The following NLGN4Y variants were observed in gnomAD, a reference collection of about 807,000 sequenced individuals.
The protein encoded by NLGN4Y is neuroligin-4, Y-linked.
A neutral mutation model predicts 8.4 loss-of-function variants in NLGN4Y; 4 were observed. That is an observed-to-expected ratio of 0.48 (90% CI 0.23 to 1.09). NLGN4Y has a LOEUF of 1.09. Among genes scored for constraint, NLGN4Y ranks in the 50% least tolerant of loss-of-function variants. The probability of loss-of-function intolerance (pLI) is 0.19; values close to 1 mark genes in which losing one functional copy is unlikely to be tolerated. For synonymous variants in NLGN4Y, 35 were observed against 75.6 expected (o/e 0.46, Z 2.78); for missense variants, 90 against 192.3 (o/e 0.47, Z 3.15).
intron 2 of NLGN4Y, among the ~76,000 whole-genome samples, chrY:14,665,589 G>A: frequency 3.0e-5 from 1 of 32,789 alleles, no homozygotes; most frequent in Admixed American, 2.9e-4. Flanking sequence ...AAGGACATGT[G>A]GTTGAAGGGG....
intron 1 of NLGN4Y, among the ~76,000 whole-genome samples, chrY:14,574,502 G>A (rs2080288866): frequency 3.0e-5 from 1 of 32,911 alleles, no homozygotes; most frequent in African/African-American, 1.2e-4. Context: ...CACATGAGCT[G>A]GGTTTCCTGA....
chrY:14,551,411 T>TC lies in NLGN4Y; in HGVS notation c.-112+26704dup, dbSNP rs2080192311. ...AAAACAAGGATATCAGGACTTGAAC[T>TC]CAACTCTGGATGAAGTGGACATAAT... On this transcript the variant is annotated intron_variant, in intron 1 of 6. Transcript: ENST00000684976. 3.3e-4 allele frequency among the ~76,000 whole-genome samples: 11 copies of TC among 33,264 alleles called. No homozygotes were observed. The East Asian group carries it at 8.7e-3, about 26-fold the overall frequency. 89.2% of individuals were successfully genotyped at this position (33,264 alleles called of 37,273 possible).
chrY:14,581,265 T>TC (rs2080319184), intron 1 of NLGN4Y, among the ~76,000 whole-genome samples: 7 of 33,413 alleles, frequency 2.1e-4, no homozygotes, highest in Admixed American at 1.1e-3. Context: ...CCTTTTTTTT[T>TC]TCTCTCTCTC....
intron 4 of NLGN4Y, among the ~76,000 whole-genome samples, chrY:14,766,824 C>T (rs2081094503): frequency 6.1e-5 from 2 of 33,040 alleles, no homozygotes; most frequent in South Asian, 1.3e-3. Context: ...GCTTTTATGC[C>T]TCTCATTTTA....
intron 4 of NLGN4Y, among the ~76,000 whole-genome samples, chrY:14,738,532 C>A (rs2080997365): frequency 3.1e-5 from 1 of 32,561 alleles, no homozygotes; most frequent in Non-Finnish European, 7.5e-5. Flanking sequence ...ACTTCTGCCT[C>A]ACTTTTCTAA....
chrY:14,662,349 C>G, intron 2 of NLGN4Y, among the ~76,000 whole-genome samples: 1 of 33,486 alleles, frequency 3.0e-5, no homozygotes, highest in Admixed American at 2.7e-4. Context: ...TATCTGTTAT[C>G]TATCTATCTA....
At chrY:14,544,200 A>C (rs747720378) in intron 1 of NLGN4Y, among the ~76,000 whole-genome samples, 6 of 33,751 alleles carry the variant, frequency 1.8e-4, no homozygotes, top group Non-Finnish European at 3.7e-4. Flanking sequence ...TTAAAGATTA[A>C]TAACAACAAC....
chrY:14,641,212 T>C, intron 2 of NLGN4Y, among the ~76,000 whole-genome samples: 2 of 33,464 alleles, frequency 6.0e-5, no homozygotes, highest in East Asian at 7.8e-4. Context: ...CCCATCTAAG[T>C]TGATATCTAA....
At chrY:14,606,836 CACATAT>C (rs2080448337) in intron 1 of NLGN4Y, among the ~76,000 whole-genome samples, 1 of 32,470 alleles carries the variant, frequency 3.1e-5, no homozygotes, top group Admixed American at 2.9e-4. Flanking sequence ...TATACACACA[CACATAT>C]ACATATACAT....
chrY:14,547,020 A>G (rs1052699318), intron 1 of NLGN4Y, among the ~76,000 whole-genome samples: 2 of 34,241 alleles, frequency 5.8e-5, no homozygotes. Context: ...CTTTTTCTGC[A>G]TCTATTGAGA....
chrY:14,651,512 T>C, intron 2 of NLGN4Y, among the ~76,000 whole-genome samples: 1 of 33,575 alleles, frequency 3.0e-5, no homozygotes, highest in Non-Finnish European at 7.4e-5. Flanking sequence ...TTTTTTTACA[T>C]TGATGAAATG....
chrY:14,684,652 C>A, intron 2 of NLGN4Y, among the ~76,000 whole-genome samples: 2 of 32,908 alleles, frequency 6.1e-5, no homozygotes, highest in Non-Finnish European at 1.5e-4. Flanking sequence ...AGGCATCCAC[C>A]TCTGTGACCC....
intron 1 of NLGN4Y, among the ~76,000 whole-genome samples, chrY:14,608,761 C>A: frequency 3.1e-5 from 1 of 32,154 alleles, no homozygotes; most frequent in African/African-American, 1.2e-4. Context: ...AGTCACTGTT[C>A]GCTTGATGAG....
At chrY:14,665,156 T>C in intron 2 of NLGN4Y, among the ~76,000 whole-genome samples, 1 of 33,743 alleles carries the variant, frequency 3.0e-5, no homozygotes, top group Non-Finnish European at 7.4e-5. Flanking sequence ...TATTCATCTA[T>C]CCACCTAAAC....
chrY:14,778,232 A>G (rs2081134670), intron 4 of NLGN4Y, among the ~76,000 whole-genome samples: 2 of 32,519 alleles, frequency 6.2e-5, no homozygotes, highest in Non-Finnish European at 1.5e-4. Flanking sequence ...CTGGCAGAAC[A>G]CCAATTCAGT....
intron 2 of NLGN4Y, among the ~76,000 whole-genome samples, chrY:14,679,592 A>G: frequency 5.9e-5 from 2 of 33,846 alleles, no homozygotes; most frequent in African/African-American, 1.2e-4. Context: ...TACTGTGTTG[A>G]TAAAGTTTCC....
At chrY:14,550,931 T>A in intron 1 of NLGN4Y, among the ~76,000 whole-genome samples, 1 of 33,380 alleles carries the variant, frequency 3.0e-5, no homozygotes, top group Non-Finnish European at 7.4e-5. Flanking sequence ...TTTTGCTAGG[T>A]TGGGGGAGTT....
At chrY:14,598,022 C>A (rs770903626) in intron 1 of NLGN4Y, among the ~76,000 whole-genome samples, 180 of 32,297 alleles carry the variant, frequency 5.6e-3, no homozygotes, top group African/African-American at 0.021. Context: ...TCGATTGGTG[C>A]ACTCACAAAC....
intron 2 of NLGN4Y, among the ~76,000 whole-genome samples, chrY:14,672,980 G>T: frequency 7.6e-5 from 2 of 26,409 alleles, no homozygotes; most frequent in Non-Finnish European, 1.7e-4. Flanking sequence ...GCCATATGTA[G>T]AAAGCTGAAA....
Sources: allele counts gnomAD v4.1 joint callset (sites outside exome capture counted in the v4.1 genomes callset), GRCh38; gene constraint gnomAD v4.1.1; transcripts MANE v1.5; gene names NCBI Gene and HGNC (gene_info 2026-07-23, HGNC 2026-07-21).